Variants in SPOCK3 observed in about 807,000 individuals in gnomAD.
The protein encoded by SPOCK3 is SPARC (osteonectin), cwcv and kazal like domains proteoglycan 3, also known as testican-3.
A neutral mutation model predicts 56.6 loss-of-function variants in SPOCK3; 30 were observed. That is an observed-to-expected ratio of 0.53 (90% CI 0.40 to 0.72). SPOCK3 has a LOEUF of 0.72. Ranked by LOEUF, SPOCK3 falls within the 30% of genes least tolerant of loss-of-function variation. The pLI is 0.00. For missense variants in SPOCK3, 527 were observed against 530.0 expected, an observed-to-expected ratio of 0.99 and a Z score of 0.06; for synonymous variants, 196 against 183.3, an observed-to-expected ratio of 1.07 and a Z score of -0.56.
At chr4:166,975,306 T>G (rs1745822562) in intron 4 of SPOCK3, among the ~76,000 whole-genome samples, 1 of 152,226 alleles carries the variant, frequency 6.6e-6, no homozygotes, top group South Asian at 2.1e-4. Flanking sequence ...TATACCTTTA[T>G]CAAAATGCCA....
chr4:166,976,553 C>T (rs1745968722), intron 4 of SPOCK3, among the ~76,000 whole-genome samples: 1 of 152,138 alleles, frequency 6.6e-6, no homozygotes, highest in Non-Finnish European at 1.5e-5. Flanking sequence ...ACTCAACCTA[C>T]TTCCTTTCTT....
At chr4:166,880,365 T>C (rs973380512) in intron 6 of SPOCK3, among the ~76,000 whole-genome samples, 1 of 152,200 alleles carries the variant, frequency 6.6e-6, no homozygotes, top group African/African-American at 2.4e-5. Context: ...CCACAGATTC[T>C]TCTTCCTTTT....
At chr4:166,784,620 C>G (rs1740543112) in intron 7 of SPOCK3, among the ~76,000 whole-genome samples, 1 of 151,998 alleles carries the variant, frequency 6.6e-6, no homozygotes, top group Admixed American at 6.6e-5. Flanking sequence ...CCTGCTATAC[C>G]TAGAAGACTC....
intron 3 of SPOCK3, among the ~76,000 whole-genome samples, chr4:167,013,507 T>C (rs904891097): frequency 6.6e-6 from 1 of 150,962 alleles, no homozygotes; most frequent in Non-Finnish European, 1.5e-5. Flanking sequence ...TGAATATTAG[T>C]ATAAATAATA....
chr4:167,000,772 AG>A (rs1343125547), intron 3 of SPOCK3, among the ~76,000 whole-genome samples: 5 of 151,942 alleles, frequency 3.3e-5, no homozygotes, highest in Non-Finnish European at 7.4e-5. Context: ...TAAGCAGCAA[AG>A]GTGGTGAAAT....
chr4:167,153,441 G>A (rs1764574652), intron 2 of SPOCK3, among the ~76,000 whole-genome samples: 2 of 152,146 alleles, frequency 1.3e-5, no homozygotes, highest in Non-Finnish European at 2.9e-5. Flanking sequence ...TGTCCCATAT[G>A]TGACTATTTG....
intron 3 of SPOCK3, among the ~76,000 whole-genome samples, chr4:167,024,613 G>T (rs1254084302): frequency 1.3e-5 from 2 of 151,966 alleles, no homozygotes; most frequent in Non-Finnish European, 2.9e-5. Flanking sequence ...AAATACATTA[G>T]GATATGTGTC....
At chr4:167,067,489 C>T (rs908739742) in intron 2 of SPOCK3, among the ~76,000 whole-genome samples, 11 of 151,614 alleles carry the variant, frequency 7.3e-5, no homozygotes, top group Middle Eastern at 3.2e-3. Context: ...TTACTCTATG[C>T]CCATATTCTA....
intron 7 of SPOCK3, among the ~76,000 whole-genome samples, chr4:166,767,946 G>A (rs1357424555): frequency 6.6e-6 from 1 of 151,924 alleles, no homozygotes; most frequent in East Asian, 1.9e-4. Context: ...TTATGTAATG[G>A]CCTTCTTTTT....
intron 3 of SPOCK3, among the ~76,000 whole-genome samples, chr4:167,035,962 T>A (rs550107501): frequency 6.6e-6 from 1 of 152,232 alleles, no homozygotes; most frequent in African/African-American, 2.4e-5. Flanking sequence ...TTTAGAAAAA[T>A]TAAATTATTC....
At chr4:166,744,246 G>A (rs1250626676) in intron 8 of SPOCK3, among the ~76,000 whole-genome samples, 1 of 152,106 alleles carries the variant, frequency 6.6e-6, no homozygotes, top group Non-Finnish European at 1.5e-5. Flanking sequence ...GTGCCCCTCT[G>A]AGATGAAGCT....
chr4:166,911,435 C>G (rs1737255702), intron 5 of SPOCK3, among the ~76,000 whole-genome samples: 1 of 152,126 alleles, frequency 6.6e-6, no homozygotes, highest in African/African-American at 2.4e-5. Flanking sequence ...GCAGTAAGCA[C>G]AATCAGATAT....
At chr4:167,190,476 G>T in intron 2 of SPOCK3, among the ~76,000 whole-genome samples, 2 of 145,710 alleles carry the variant, frequency 1.4e-5, no homozygotes, top group Admixed American at 7.0e-5. Context: ...ATTTGTTTTG[G>T]CATATTGAGT....
intron 3 of SPOCK3, among the ~76,000 whole-genome samples, chr4:167,053,276 C>T (rs1178231830): frequency 6.6e-6 from 1 of 152,026 alleles, no homozygotes; most frequent in East Asian, 1.9e-4. Context: ...CAGAATGCTT[C>T]CTCTAGTTAT....
At chr4:166,753,435 AT>A (rs891213928) in intron 8 of SPOCK3, among the ~76,000 whole-genome samples, 5 of 152,106 alleles carry the variant, frequency 3.3e-5, no homozygotes, top group African/African-American at 1.2e-4. Context: ...CAGTAAATGT[AT>A]TTTTTAAACT....
chr4:167,058,442 A>G (rs542512736), intron 3 of SPOCK3, among the ~76,000 whole-genome samples: 2 of 152,280 alleles, frequency 1.3e-5, no homozygotes, highest in East Asian at 3.9e-4. Context: ...CCAACTTACA[A>G]GGGATGTGAA....
intron 8 of SPOCK3, chr4:166,753,939 C>A (rs1560822405): frequency 8.7e-6 from 2 of 230,934 alleles, no homozygotes; most frequent in Non-Finnish European, 1.4e-5. Flanking sequence ...GCCATTCCAA[C>A]TTTTCACTTA....
intron 4 of SPOCK3, among the ~76,000 whole-genome samples, chr4:166,959,601 G>C (rs983842994): frequency 7.7e-6 from 1 of 130,054 alleles, no homozygotes. Flanking sequence ...AACAGAGCAA[G>C]AGTTCGTCTC....
At chr4:167,221,812 G>A (rs2111105537) in intron 2 of SPOCK3, among the ~76,000 whole-genome samples, 1 of 152,234 alleles carries the variant, frequency 6.6e-6, no homozygotes, top group East Asian at 1.9e-4. Context: ...ATTAACAAGT[G>A]TTAGCAAGGG....
Sources: allele counts gnomAD v4.1 joint callset (sites outside exome capture counted in the v4.1 genomes callset), GRCh38; gene constraint gnomAD v4.1.1; transcripts MANE v1.5; gene names NCBI Gene and HGNC (gene_info 2026-07-23, HGNC 2026-07-21).